The following ADAM9 variants were observed in gnomAD, a reference collection of about 807,000 sequenced individuals.
ADAM9 encodes the protein disintegrin and metalloproteinase domain-containing protein 9.
In ADAM9, 54 loss-of-function variants were observed where a neutral mutation model predicts 108.1. The ratio of observed to expected loss-of-function variants is 0.50; its 90% CI spans 0.40 to 0.63. The LOEUF is 0.63. ADAM9 is among the 20% of genes least tolerant of loss of function. ADAM9 has a pLI of 0.00. For missense variants in ADAM9, 830 were observed against 997.7 expected, an observed-to-expected ratio of 0.83 and a Z score of 2.26; for synonymous variants, 316 against 336.0, an observed-to-expected ratio of 0.94 and a Z score of 0.65.
chr8:39,075,420 A>AAT (rs1838824428), intron 15 of ADAM9, among the ~76,000 whole-genome samples: 1 of 152,180 alleles, frequency 6.6e-6, no homozygotes, highest in Non-Finnish European at 1.5e-5. Context: ...GTGCCATATG[A>AAT]ATATCCAGTT....
rs945843108 is a variant in ADAM9, at chr8:39,096,284, GT to G, written c.2298+4945del. The stretch of plus-strand genomic sequence containing the variant: ...ATACAATAAATTAATCATTTTCTTT[GT>G]TTTTTTGTAGTAATATTTTGATTCT... On this transcript the variant is annotated intron_variant, in intron 20 of 21. Transcript: ENST00000487273. Among the ~76,000 whole-genome samples, 59 of 127,076 alleles carry G rather than the reference GT, an allele frequency of 4.6e-4. 2 individuals carry two copies. Among genetic ancestry groups the G allele is most frequent in the Non-Finnish European group, 8.5e-4 (47 of 55,044 alleles). The allele number at this position is 127,076 out of a possible 152,430, so 83.4% of individuals were successfully genotyped here. A position where few individuals can be genotyped will look rare whatever the true frequency, so the allele number is the denominator to read the frequency against.
intron 20 of ADAM9, among the ~76,000 whole-genome samples, chr8:39,097,672 G>T (rs1365303272): frequency 6.6e-6 from 1 of 152,056 alleles, no homozygotes; most frequent in African/African-American, 2.4e-5. Flanking sequence ...ATTGAATTAT[G>T]AAATGTTTGT....
At chr8:39,008,043 C>G (rs1406918396) in intron 2 of ADAM9, 60 bp downstream of exon 2, 6 of 1,276,918 alleles carry the variant, frequency 4.7e-6, no homozygotes, top group Admixed American at 3.5e-5. Context: ...TGTTTTAGCA[C>G]AAAGGTGTTA....
chr8:39,042,286 T>C (rs1469803617), intron 12 of ADAM9, among the ~76,000 whole-genome samples, 169 bp downstream of exon 12: 2 of 152,212 alleles, frequency 1.3e-5, no homozygotes, highest in Non-Finnish European at 2.9e-5. Flanking sequence ...GTCATCTCCT[T>C]CTTCTCAGAG....
At chr8:39,024,288 C>A (rs572356644) in intron 9 of ADAM9, among the ~76,000 whole-genome samples, 8 of 152,104 alleles carry the variant, frequency 5.3e-5, no homozygotes, top group Non-Finnish European at 1.0e-4. Flanking sequence ...CACACATCCT[C>A]GTACCAGTGA....
intron 20 of ADAM9, among the ~76,000 whole-genome samples, chr8:39,092,331 TACACACACACACAC>T (rs71552833): frequency 6.7e-6 from 1 of 148,700 alleles, no homozygotes; most frequent in East Asian, 2.0e-4. Context: ...AATATATTTA[TACACACACACACAC>T]ACACACACAC....
intron 11 of ADAM9, among the ~76,000 whole-genome samples, chr8:39,035,408 C>T (rs1228508965): frequency 6.6e-6 from 1 of 152,110 alleles, no homozygotes; most frequent in Non-Finnish European, 1.5e-5. Flanking sequence ...AATCCTAGAA[C>T]TAGTATTAGG....
chr8:39,083,154 T>C, intron 18 of ADAM9, 81 bp downstream of exon 18: 1 of 971,484 alleles, frequency 1.0e-6, no homozygotes, highest in Non-Finnish European at 1.6e-6. Flanking sequence ...TCTCCCTCAC[T>C]TCCCACATCA....
intron 11 of ADAM9, among the ~76,000 whole-genome samples, chr8:39,036,058 A>G (rs1837263982): frequency 1.3e-5 from 2 of 151,190 alleles, no homozygotes; most frequent in Admixed American, 6.6e-5. Flanking sequence ...AGTGATGTAC[A>G]TGTTTCATTT....
intron 15 of ADAM9, among the ~76,000 whole-genome samples, chr8:39,075,691 A>T (rs1048526579): frequency 2.0e-5 from 3 of 152,182 alleles, no homozygotes; most frequent in Non-Finnish European, 2.9e-5. Context: ...TTAATGTATC[A>T]CCAAGCCTAT....
chr8:39,044,005 T>C (rs1349032935), intron 12 of ADAM9, among the ~76,000 whole-genome samples: 1 of 152,210 alleles, frequency 6.6e-6, no homozygotes, highest in Non-Finnish European at 1.5e-5. Flanking sequence ...TTACCCCTTA[T>C]GGTTTGCAGA....
intron 12 of ADAM9, among the ~76,000 whole-genome samples, chr8:39,045,129 T>C (rs1162317818): frequency 2.7e-5 from 3 of 109,976 alleles, no homozygotes; most frequent in African/African-American, 9.7e-5. Flanking sequence ...TGTGTGTGCA[T>C]ACATACATAT....
chr8:39,014,249 A>C (rs1836453890), intron 4 of ADAM9: 2 of 577,740 alleles, frequency 3.5e-6, no homozygotes, highest in African/African-American at 1.9e-5. Flanking sequence ...TCAGTAGTTA[A>C]GGTTTTTTTT....
chr8:39,055,564 T>G lies in ADAM9; in HGVS notation c.1396-13T>G. 6.2e-7 allele frequency: 1 copy of G among 1,612,922 alleles called. No individual in the cohort carries two copies. Among genetic ancestry groups the G allele is most frequent in the Non-Finnish European group, 8.5e-7 (1 of 1,179,080 alleles). ...CCTGATATTTCTGTTTAATTTGAAT[T>G]CTATTTCACTAGTTCCTTCCAGGAG... On this transcript the variant is annotated splice_polypyrimidine_tract_variant and intron_variant, in intron 13 of 21. Transcript: ENST00000487273.
At position 39,090,156 on chromosome 8, in the gene ADAM9, C is replaced by G. The variant is rs777831234; in HGVS notation, c.2178C>G (p.Ser726Arg). The change falls in exon 19 of 22, where the codon AGC (serine) becomes AGG (arginine). Residue 726 changes from serine (S) to arginine (R), a missense_variant. Transcript: ENST00000487273. ...TCAAGAGGGATCAACTGTGGAGAAG[C>G]TACTTCAGAAAGAAGAGATCACAAA... ...IFIKRDQLWR[S>R]YFRKKRSQTY... is the part of the protein sequence containing the mutation. The G allele has an allele frequency of 1.9e-6, 3 of 1,613,668 alleles. No individual in the cohort carries two copies. The highest frequency in any genetic ancestry group is 2.7e-5 in the African/African-American group (2 of 74,880).
chr8:39,056,274 T>A (rs1262030464), intron 14 of ADAM9, among the ~76,000 whole-genome samples: 1 of 152,172 alleles, frequency 6.6e-6, no homozygotes, highest in Non-Finnish European at 1.5e-5. Context: ...GCCAAATTAT[T>A]GTGTAATGCA....
At chr8:39,099,365 C>T (rs1046296210) in intron 20 of ADAM9, among the ~76,000 whole-genome samples, 4 of 152,092 alleles carry the variant, frequency 2.6e-5, no homozygotes, top group African/African-American at 7.2e-5. Flanking sequence ...TTTCTTACTT[C>T]CCACCAACCC....
In ADAM9 at chr8:39,055,580, C is replaced by A; in HGVS notation, c.1399C>A (p.Leu467Ile). The A allele has an allele frequency of 6.2e-7, 1 of 1,613,454 alleles. No individual in the cohort carries two copies. Among genetic ancestry groups the A allele is most frequent in the Non-Finnish European group, 8.5e-7 (1 of 1,179,542 alleles). The change falls in exon 14 of 22, where the codon CTT becomes ATT. Residue 467 changes from leucine (L) to isoleucine (I), a missense_variant. This residue lies in a region of ADAM9 where 381 missense variants were observed against 539.8 expected (regional missense o/e 0.71). Coordinates refer to ENST00000487273, the MANE Select transcript of ADAM9 (RefSeq NM_003816.3). Reference protein sequence around the residue: ...YGDCCKDCRFLPGGTLCRGKT... With the variant: ...YGDCCKDCRFIPGGTLCRGKT... ...AATTTGAATTCTATTTCACTAGTTC[C>A]TTCCAGGAGGTACTTTATGCCGAGG... is the stretch of plus-strand genomic sequence containing the variant.
intron 18 of ADAM9, among the ~76,000 whole-genome samples, chr8:39,087,617 G>T (rs925950171): frequency 1.3e-5 from 2 of 152,148 alleles, no homozygotes; most frequent in African/African-American, 4.8e-5. Flanking sequence ...CCTTTTTATG[G>T]TTCTTTTAGG....
Sources: gnomAD v4.1 joint callset for allele counts (sites outside exome capture counted in the v4.1 genomes callset) on GRCh38, gnomAD v4.1.1 for gene constraint, gnomAD v4.1.1 regional missense constraint, MANE v1.5 for transcripts, NCBI Gene and HGNC (gene_info 2026-07-23, HGNC 2026-07-21) for gene names.